CSGALNACT1: variants seen among roughly 807,000 people sequenced by gnomAD.
The protein encoded by CSGALNACT1 is chondroitin sulfate N-acetylgalactosaminyltransferase 1.
Under a neutral mutation model 51.0 loss-of-function variants are expected in CSGALNACT1, and 52 were observed. That is an observed-to-expected ratio of 1.02 (90% CI 0.82 to 1.29). CSGALNACT1 has a LOEUF of 1.29. CSGALNACT1 is among the 50% of genes most tolerant of loss of function. The probability of loss-of-function intolerance (pLI) is 0.00; values close to 1 mark genes in which losing one functional copy is unlikely to be tolerated. For missense variants in CSGALNACT1, 935 were observed against 679.2 expected (o/e 1.38, Z -4.19); for synonymous variants, 341 against 254.4 (o/e 1.34, Z -3.24).
chr8:19,557,114 T>G (rs1358883185), intron 3 of CSGALNACT1, among the ~76,000 whole-genome samples: 3 of 152,182 alleles, frequency 2.0e-5, no homozygotes, highest in African/African-American at 7.2e-5. Flanking sequence ...TTGAGGTGCC[T>G]GGAATTTCCC....
intron 1 of CSGALNACT1, among the ~76,000 whole-genome samples, chr8:19,705,058 C>T (rs187266677): frequency 1.6e-4 from 25 of 152,220 alleles, no homozygotes; most frequent in Admixed American, 1.6e-3. Flanking sequence ...TTAAAATGTG[C>T]TAAGAGGGTA....
At chr8:19,605,044 T>A (rs1225507312), upstream of CSGALNACT1, among the ~76,000 whole-genome samples, 2 of 151,858 alleles carry the variant, frequency 1.3e-5, no homozygotes, top group African/African-American at 4.8e-5. Context: ...CCCACCCTGA[T>A]CCCCTATAAT....
chr8:19,743,946 C>T (rs981916769), intron 1 of CSGALNACT1, among the ~76,000 whole-genome samples: 1 of 152,036 alleles, frequency 6.6e-6, no homozygotes, highest in African/African-American at 2.4e-5. Flanking sequence ...ATTTGCTACA[C>T]TGGCACTCTA....
At position 19,497,258 on chromosome 8, in the gene CSGALNACT1, G is replaced by C. The variant is rs2075656829; in HGVS notation, c.634+7943C>G. Among the ~76,000 whole-genome samples the C allele has an allele frequency of 1.3e-5, 2 of 152,190 alleles. 1 individual carries two copies. The highest frequency in any genetic ancestry group is 1.3e-4 in the Admixed American group (2 of 15,280). ...CAGCAGAATATTGCTGGGAGTGAGA[G>C]AGGAGAGAAGTACAGAGACCTTCTC... On this transcript the variant is annotated intron_variant, in intron 4 of 9. Coordinates refer to ENST00000454498, the Ensembl canonical transcript of CSGALNACT1.
chr8:19,687,238 T>C (rs2061028038), upstream of CSGALNACT1, among the ~76,000 whole-genome samples: 1 of 152,196 alleles, frequency 6.6e-6, no homozygotes, highest in Non-Finnish European at 1.5e-5. Flanking sequence ...TACCAACCTC[T>C]TGACAAATTC....
In CSGALNACT1 at chr8:19,645,451, CA is replaced by C. The variant is rs1176446342; in HGVS notation, c.-544+37021del. 6.6e-5 allele frequency among the ~76,000 whole-genome samples: 10 copies of C among 152,324 alleles called. No homozygotes were observed. The East Asian group carries it at 1.9e-3, about 29-fold the overall frequency. ...TGTCTAGATTTTGAAGTCACACAGACAGGAGGTAGAATCCCAGTGCAGCCAC... is the reference window on the plus strand; with the variant it reads ...TGTCTAGATTTTGAAGTCACACAGACGGAGGTAGAATCCCAGTGCAGCCAC... On this transcript the variant is annotated intron_variant, in intron 1 of 9. Coordinates refer to the CSGALNACT1 transcript ENST00000332246.
chr8:19,537,640 CT>C (rs2084067635), intron 3 of CSGALNACT1, among the ~76,000 whole-genome samples: 1 of 152,170 alleles, frequency 6.6e-6, no homozygotes, highest in African/African-American at 2.4e-5. Context: ...CGAAATAAAG[CT>C]CCCCTTTCCA....
At chr8:19,633,114 A>G (rs2055527961) in intron 1 of CSGALNACT1, among the ~76,000 whole-genome samples, 2 of 152,004 alleles carry the variant, frequency 1.3e-5, no homozygotes, top group South Asian at 2.1e-4. Context: ...GCTGGTAAGA[A>G]TAAATGATGT....
chr8:19,583,050 A>G (rs971378115), intron 3 of CSGALNACT1, among the ~76,000 whole-genome samples: 4 of 152,208 alleles, frequency 2.6e-5, no homozygotes, highest in Non-Finnish European at 5.9e-5. Context: ...GGAGAAAAAA[A>G]TTCTTTTTCT....
chr8:19,667,040 G>GAA (rs1554795061), intron 1 of CSGALNACT1, among the ~76,000 whole-genome samples: 32 of 34,970 alleles, frequency 9.2e-4, no homozygotes, highest in African/African-American at 3.7e-3. Context: ...AGGAAGGAAG[G>GAA]AAGAAAGAAA....
intron 6 of CSGALNACT1, among the ~76,000 whole-genome samples, chr8:19,438,196 T>C (rs1478569838): frequency 2.0e-5 from 1 of 50,086 alleles, no homozygotes; most frequent in East Asian, 1.4e-3. Flanking sequence ...GGGGCGGGGG[T>C]CGGGGGGCAG....
intron 3 of CSGALNACT1, among the ~76,000 whole-genome samples, chr8:19,512,573 A>G (rs980073478): frequency 6.6e-6 from 1 of 152,204 alleles, no homozygotes; most frequent in African/African-American, 2.4e-5. Context: ...AAATGTTTTA[A>G]TATGTCTTAC....
chr8:19,610,285 G>T (rs2052040151), intron 1 of CSGALNACT1, among the ~76,000 whole-genome samples: 1 of 85,018 alleles, frequency 1.2e-5, no homozygotes. Context: ...GTACGACTCC[G>T]TCTCAAAAAA....
intron 6 of CSGALNACT1, among the ~76,000 whole-genome samples, chr8:19,421,912 A>T (rs2058014326): frequency 6.6e-6 from 1 of 152,146 alleles, no homozygotes; most frequent in Non-Finnish European, 1.5e-5. Flanking sequence ...GCACTGGTCT[A>T]GGAGTCTGGA....
intron 1 of CSGALNACT1, among the ~76,000 whole-genome samples, chr8:19,756,380 A>G (rs1367343873): frequency 6.6e-6 from 1 of 152,304 alleles, no homozygotes; most frequent in East Asian, 1.9e-4. Flanking sequence ...TATTTCACTT[A>G]TGAGTATTTC....
At chr8:19,452,982 G>A (rs1469952036) in intron 5 of CSGALNACT1, among the ~76,000 whole-genome samples, 1 of 152,180 alleles carries the variant, frequency 6.6e-6, no homozygotes, top group Non-Finnish European at 1.5e-5. Context: ...CAGTCAAGAT[G>A]AGGAGAGAGC....
intron 1 of CSGALNACT1, among the ~76,000 whole-genome samples, chr8:19,665,931 T>A (rs116608026): frequency 0.013 from 2,016 of 152,324 alleles, 51 homozygotes; most frequent in African/African-American, 0.046. Flanking sequence ...TCTAACCACA[T>A]TGTCGATTTT....
intron 5 of CSGALNACT1, among the ~76,000 whole-genome samples, chr8:19,453,528 C>G (rs543139185): frequency 6.6e-6 from 1 of 152,062 alleles, no homozygotes; most frequent in Non-Finnish European, 1.5e-5. Context: ...ATGAAGCAAA[C>G]AGAACTCAAA....
intron 1 of CSGALNACT1, among the ~76,000 whole-genome samples, chr8:19,659,599 T>G (rs1000164059): frequency 6.6e-6 from 1 of 152,358 alleles, no homozygotes; most frequent in African/African-American, 2.4e-5. Context: ...ATCACATAAG[T>G]TACCACGAAA....
Sources: allele counts gnomAD v4.1 joint callset (sites outside exome capture counted in the v4.1 genomes callset), GRCh38; gene constraint gnomAD v4.1.1; transcripts MANE v1.5; gene names NCBI Gene and HGNC (gene_info 2026-07-23, HGNC 2026-07-21).